The following RALA variants were observed in gnomAD, a reference collection of about 807,000 sequenced individuals.
The protein encoded by RALA is RAS like proto-oncogene A.
RALA carries 5 observed loss-of-function variants against 24.0 expected under a neutral mutation model. The observed-to-expected ratio is 0.21, with a 90% CI of 0.11 to 0.44. The LOEUF is 0.44. Ranked by LOEUF, RALA falls within the 20% of genes least tolerant of loss-of-function variation. RALA has a pLI of 0.99. For missense variants in RALA, 95 were observed against 241.2 expected, an observed-to-expected ratio of 0.39 and a Z score of 4.01; for synonymous variants, 77 against 83.8, an observed-to-expected ratio of 0.92 and a Z score of 0.44.
Position 39,686,745 on chromosome 7 carries a change from C to T in RALA, c.78C>T (p.Gly26=), listed in dbSNP as rs1194305464. The change falls in exon 2 of 5, where the codon GGC becomes GGT. Residue 26 remains glycine (G), a synonymous_variant. Coordinates refer to ENST00000005257, the MANE Select transcript of RALA (RefSeq NM_005402.4). ...TCATGGTGGGCAGTGGTGGCGTGGG[C>T]AAGTCAGCTCTGACTCTACAGTTCA... ...KVIMVGSGGV[G]KSALTLQFMY... The T allele has an allele frequency of 1.2e-6, 2 of 1,613,998 alleles. No homozygotes were observed. Among genetic ancestry groups the T allele is most frequent in the African/African-American group, 1.3e-5 (1 of 75,024 alleles).
intron 4 of RALA, among the ~76,000 whole-genome samples, chr7:39,705,494 T>C (rs1793104191): frequency 6.6e-6 from 1 of 152,212 alleles, no homozygotes; most frequent in African/African-American, 2.4e-5. Flanking sequence ...GAAATTTAAC[T>C]TTGAATTGTT....
At chr7:39,674,301 C>T (rs770859918) in intron 1 of RALA, among the ~76,000 whole-genome samples, 5 of 152,082 alleles carry the variant, frequency 3.3e-5, no homozygotes, top group Non-Finnish European at 5.9e-5. Context: ...TCTATTTCTA[C>T]TTGTTTTATG....
chr7:39,698,313 C>T (rs1447084508), intron 4 of RALA, among the ~76,000 whole-genome samples: 1 of 152,058 alleles, frequency 6.6e-6, no homozygotes, highest in African/African-American at 2.4e-5. Context: ...CATAGCATGC[C>T]CTATCATAGT....
intron 1 of RALA, among the ~76,000 whole-genome samples, chr7:39,646,408 G>A (rs945814687): frequency 6.6e-6 from 1 of 152,196 alleles, no homozygotes; most frequent in African/African-American, 2.4e-5. Flanking sequence ...TCTAAGGTGG[G>A]AGGATTGCTT....
chr7:39,639,842 A>G (rs1322100947), intron 1 of RALA, among the ~76,000 whole-genome samples: 2 of 152,102 alleles, frequency 1.3e-5, no homozygotes, highest in African/African-American at 4.8e-5. Flanking sequence ...GCACACACGC[A>G]CACTCACTCA....
chr7:39,634,287 C>T (rs1361789449), intron 1 of RALA, among the ~76,000 whole-genome samples: 1 of 152,142 alleles, frequency 6.6e-6, no homozygotes, highest in African/African-American at 2.4e-5. Flanking sequence ...TTTCCTGTGA[C>T]CCATGTCACC....
chr7:39,691,728 C>T (rs80355634), intron 3 of RALA, among the ~76,000 whole-genome samples: 1 of 152,084 alleles, frequency 6.6e-6, no homozygotes, highest in Admixed American at 6.6e-5. Flanking sequence ...TAGATTTATT[C>T]ATAAAGTTTG....
At chr7:39,627,417 A>C (rs955386190) in intron 1 of RALA, among the ~76,000 whole-genome samples, 2 of 152,202 alleles carry the variant, frequency 1.3e-5, no homozygotes, top group African/African-American at 4.8e-5. Flanking sequence ...CTAGGGTCCT[A>C]TATTAGATGC....
intron 1 of RALA, among the ~76,000 whole-genome samples, chr7:39,646,670 T>G (rs537427720): frequency 3.3e-5 from 5 of 152,318 alleles, no homozygotes; most frequent in African/African-American, 1.2e-4. Flanking sequence ...TGCTCTAGTT[T>G]CTCTATAAAA....
chr7:39,656,857 G>A (rs1464728476), intron 1 of RALA, among the ~76,000 whole-genome samples: 1 of 152,216 alleles, frequency 6.6e-6, no homozygotes, highest in Admixed American at 6.5e-5. Flanking sequence ...TCATTGGGGA[G>A]TTTCCAGTGA....
chr7:39,677,308 G>A (rs1184899744), intron 1 of RALA, among the ~76,000 whole-genome samples: 1 of 151,342 alleles, frequency 6.6e-6, no homozygotes, highest in Non-Finnish European at 1.5e-5. Context: ...TGCGGTGTTT[G>A]GTTTTTTGTT....
intron 1 of RALA, among the ~76,000 whole-genome samples, chr7:39,669,140 C>T (rs1157253650): frequency 6.6e-6 from 1 of 151,936 alleles, no homozygotes; most frequent in Admixed American, 6.6e-5. Context: ...AATAAAAATA[C>T]AAGTGGGACG....
At chr7:39,648,471 G>A (rs554524772) in intron 1 of RALA, among the ~76,000 whole-genome samples, 5 of 151,954 alleles carry the variant, frequency 3.3e-5, no homozygotes, top group African/African-American at 7.2e-5. Context: ...GATATTAAGG[G>A]CCTCATGTGT....
chr7:39,670,393 C>A (rs937507390), intron 1 of RALA, among the ~76,000 whole-genome samples: 3 of 152,182 alleles, frequency 2.0e-5, no homozygotes, highest in Non-Finnish European at 2.9e-5. Context: ...GTGATCCTCC[C>A]ACCTCAGCCT....
intron 1 of RALA, among the ~76,000 whole-genome samples, chr7:39,629,134 T>C (rs1400022153): frequency 6.6e-6 from 1 of 152,226 alleles, no homozygotes; most frequent in East Asian, 1.9e-4. Context: ...TAAATGCATA[T>C]GTAGAGTTGT....
chr7:39,648,558 T>C (rs918672995), intron 1 of RALA, among the ~76,000 whole-genome samples: 3 of 152,182 alleles, frequency 2.0e-5, no homozygotes, highest in African/African-American at 7.2e-5. Flanking sequence ...TCTTATGTTC[T>C]GCAGAGAGGA....
intron 1 of RALA, among the ~76,000 whole-genome samples, chr7:39,628,441 C>T (rs1459326132): frequency 3.3e-5 from 5 of 151,758 alleles, no homozygotes; most frequent in African/African-American, 7.3e-5. Context: ...AGGCCTTCTT[C>T]GTAGGCCTTT....
Position 39,706,519 on chromosome 7 carries a change from C to A in RALA, c.*274C>A. The stretch of plus-strand genomic sequence containing the variant: ...TGTAAGCTTGTGTTTCTTGGGCAGT[C>A]TTTCTTGAAATTGAAGAGGTGAAAT... On this transcript the variant is annotated 3_prime_UTR_variant, in exon 5 of 5. Coordinates refer to ENST00000005257, the MANE Select transcript of RALA (RefSeq NM_005402.4). 8.3e-6 allele frequency: 2 copies of A among 240,828 alleles called. No individual in the cohort carries two copies. Among genetic ancestry groups the A allele is most frequent in the Non-Finnish European group, 1.6e-5 (2 of 126,440 alleles). 14.9% of individuals were successfully genotyped at this position (240,828 alleles called of 1,614,324 possible).
At chr7:39,666,448 G>T (rs1792288454) in intron 1 of RALA, among the ~76,000 whole-genome samples, 1 of 152,204 alleles carries the variant, frequency 6.6e-6, no homozygotes, top group Admixed American at 6.5e-5. Context: ...GTGCTAAACA[G>T]ATTTGTGATG....
Sources: allele counts gnomAD v4.1 joint callset (sites outside exome capture counted in the v4.1 genomes callset), GRCh38; gene constraint gnomAD v4.1.1; transcripts MANE v1.5; gene names NCBI Gene and HGNC (gene_info 2026-07-23, HGNC 2026-07-21).